Variants in NOX4 observed in about 807,000 individuals in gnomAD.
The protein encoded by NOX4 is kidney oxidase-1.
NOX4 carries 69 observed loss-of-function variants against 87.6 expected under a neutral mutation model. The ratio of observed to expected loss-of-function variants is 0.79; its 90% CI spans 0.65 to 0.96. The LOEUF (loss-of-function observed/expected upper bound fraction) is 0.96, where lower values mean the gene tolerates loss of function less well. Among genes scored for constraint, NOX4 ranks in the 40% least tolerant of loss-of-function variants. NOX4 has a pLI of 0.00. For synonymous variants in NOX4, 275 were observed against 238.2 expected (o/e 1.15, Z -1.42); for missense variants, 680 against 681.5 (o/e 1.00, Z 0.02).
chr11:89,407,026 T>C (rs1591144806), intron 8 of NOX4, among the ~76,000 whole-genome samples: 1 of 152,188 alleles, frequency 6.6e-6, no homozygotes, highest in East Asian at 1.9e-4. Context: ...TATTCCTGAA[T>C]AAGTAGAAGG....
chr11:89,575,054 G>A, the NOX4 span, among the ~76,000 whole-genome samples: 5,496 of 152,128 alleles, frequency 0.036, 145 homozygotes, highest in Non-Finnish European at 0.053. Context: ...GTGGTGGCAC[G>A]TGCCTGTAAT....
chr11:89,386,719 C>T (rs1940732322), intron 11 of NOX4, among the ~76,000 whole-genome samples: 2 of 151,930 alleles, frequency 1.3e-5, no homozygotes, highest in East Asian at 1.9e-4. Flanking sequence ...TTGTTTTTAC[C>T]TAAATCAATC....
the NOX4 span, among the ~76,000 whole-genome samples, chr11:89,550,217 G>C: frequency 1.4e-5 from 2 of 147,894 alleles, no homozygotes; most frequent in East Asian, 4.0e-4. Flanking sequence ...ACAGAGTCTT[G>C]CTCTGTTGCC....
At chr11:89,419,715 C>G (rs1942985973) in intron 8 of NOX4, among the ~76,000 whole-genome samples, 1 of 151,716 alleles carries the variant, frequency 6.6e-6, no homozygotes, top group African/African-American at 2.4e-5. Context: ...GACACTTGTT[C>G]TATAAAAGTA....
At chr11:89,452,428 C>T (rs974797815) in intron 2 of NOX4, among the ~76,000 whole-genome samples, 3 of 152,168 alleles carry the variant, frequency 2.0e-5, no homozygotes, top group Non-Finnish European at 4.4e-5. Context: ...ATAGTAAGCA[C>T]GACTCTTCTA....
intron 11 of NOX4, among the ~76,000 whole-genome samples, chr11:89,399,566 C>T (rs1162167007): frequency 6.7e-6 from 1 of 148,884 alleles, no homozygotes; most frequent in Non-Finnish European, 1.5e-5. Context: ...GGGGCTCAAG[C>T]AATCCTCCTG....
At chr11:89,414,972 T>G (rs1335684725) in intron 8 of NOX4, among the ~76,000 whole-genome samples, 1 of 151,978 alleles carries the variant, frequency 6.6e-6, no homozygotes, top group Non-Finnish European at 1.5e-5. Context: ...AATAAATAAT[T>G]CAATAATTCA....
At chr11:89,413,991 T>C (rs557427358) in intron 8 of NOX4, among the ~76,000 whole-genome samples, 10 of 152,014 alleles carry the variant, frequency 6.6e-5, no homozygotes, top group Non-Finnish European at 1.5e-4. Flanking sequence ...TGTATATATG[T>C]ATATGTGTGT....
the NOX4 span, among the ~76,000 whole-genome samples, chr11:89,561,015 T>TATATATATATATATATAC: frequency 2.6e-4 from 21 of 80,500 alleles, no homozygotes; most frequent in African/African-American, 7.3e-4. Context: ...TATATATATA[T>TATATATATATATATATAC]ATATACATAC....
chr11:89,336,225 C>A (rs1026819954), intron 16 of NOX4: 6 of 265,522 alleles, frequency 2.3e-5, no homozygotes, highest in Admixed American at 1.1e-4. Flanking sequence ...TTAAATGAAT[C>A]AATTGTTAGA....
intron 11 of NOX4, among the ~76,000 whole-genome samples, chr11:89,386,064 A>G (rs144789576): frequency 6.6e-6 from 1 of 152,218 alleles, no homozygotes; most frequent in Non-Finnish European, 1.5e-5. Context: ...TAAAAACACA[A>G]ATCATCAAGC....
chr11:89,503,692 C>A, the NOX4 span, among the ~76,000 whole-genome samples: 1 of 151,240 alleles, frequency 6.6e-6, no homozygotes, highest in Non-Finnish European at 1.5e-5. Context: ...TAATTTAATA[C>A]TTTTAAGCTT....
chr11:89,540,752 C>A, the NOX4 span, among the ~76,000 whole-genome samples: 1 of 133,304 alleles, frequency 7.5e-6, no homozygotes, highest in Non-Finnish European at 1.5e-5. Context: ...CGCGACACTG[C>A]ACTCCAGCCT....
intron 6 of NOX4, among the ~76,000 whole-genome samples, chr11:89,434,861 C>T (rs1034885991): frequency 2.0e-5 from 3 of 151,982 alleles, no homozygotes; most frequent in African/African-American, 7.2e-5. Flanking sequence ...CTAAACCACT[C>T]CAGTCCTGAA....
chr11:89,444,858 G>C (rs1486783491), intron 4 of NOX4, among the ~76,000 whole-genome samples: 1 of 152,062 alleles, frequency 6.6e-6, no homozygotes, highest in Non-Finnish European at 1.5e-5. Flanking sequence ...CTGACTTAGA[G>C]CTCACATAAA....
chr11:89,471,918 T>C (rs1011503186), intron 2 of NOX4, among the ~76,000 whole-genome samples: 2 of 152,182 alleles, frequency 1.3e-5, no homozygotes, highest in East Asian at 3.9e-4. Context: ...ATTTCTTGTG[T>C]TTTTAGCAGA....
chr11:89,478,151 C>A, intron 2 of NOX4, among the ~76,000 whole-genome samples: 1 of 152,062 alleles, frequency 6.6e-6, no homozygotes, highest in East Asian at 1.9e-4. Context: ...ACACTCATTT[C>A]TTCCTCACCT....
intron 12 of NOX4, among the ~76,000 whole-genome samples, chr11:89,368,497 G>A (rs1430417411): frequency 6.6e-6 from 1 of 152,056 alleles, no homozygotes; most frequent in African/African-American, 2.4e-5. Context: ...GTGCCTTACT[G>A]CTGTGTCCTT....
intron 11 of NOX4, among the ~76,000 whole-genome samples, chr11:89,399,432 A>AATATATATATATAT (rs1208007737): frequency 9.5e-4 from 72 of 75,596 alleles, no homozygotes; most frequent in African/African-American, 1.2e-3. Context: ...CAAGAAATTA[A>AATATATATATATAT]ATATATATAT....
Sources: allele counts gnomAD v4.1 joint callset (sites outside exome capture counted in the v4.1 genomes callset), GRCh38; gene constraint gnomAD v4.1.1; transcripts MANE v1.5; gene names NCBI Gene and HGNC (gene_info 2026-07-23, HGNC 2026-07-21).